The following ADTRP variants were observed in gnomAD, a reference collection of about 807,000 sequenced individuals.
ADTRP encodes androgen-dependent TFPI-regulating protein.
Under a neutral mutation model 27.0 loss-of-function variants are expected in ADTRP, and 20 were observed. The ratio of observed to expected loss-of-function variants is 0.74; its 90% CI spans 0.52 to 1.08. The LOEUF (loss-of-function observed/expected upper bound fraction) is 1.08, where lower values mean the gene tolerates loss of function less well. Among genes scored for constraint, ADTRP ranks in the 50% least tolerant of loss-of-function variants. The pLI is 0.00. For synonymous variants in ADTRP, 101 were observed against 105.2 expected, an observed-to-expected ratio of 0.96 and a Z score of 0.25; for missense variants, 251 against 275.0, an observed-to-expected ratio of 0.91 and a Z score of 0.62.
chr6:11,734,010 A>AAT (rs1465145074), intron 4 of ADTRP, among the ~76,000 whole-genome samples: 1 of 152,222 alleles, frequency 6.6e-6, no homozygotes, highest in Admixed American at 6.5e-5. Flanking sequence ...AGTAAAAGGT[A>AAT]ATAACATATA....
chr6:11,756,829 A>T (rs1728771003), intron 3 of ADTRP, among the ~76,000 whole-genome samples: 1 of 152,230 alleles, frequency 6.6e-6, no homozygotes, highest in Non-Finnish European at 1.5e-5. Context: ...GGAAAGTTGA[A>T]TAAACTACTC....
At chr6:11,771,540 C>A (rs1406849942) in intron 1 of ADTRP, among the ~76,000 whole-genome samples, 1 of 152,166 alleles carries the variant, frequency 6.6e-6, no homozygotes, top group Non-Finnish European at 1.5e-5. Flanking sequence ...CCCGAACGGT[C>A]TGCTTATTCT....
At chr6:11,755,147 C>T (rs1023209523) in intron 3 of ADTRP, 1 of 835,482 alleles carries the variant, frequency 1.2e-6, no homozygotes, top group Admixed American at 6.2e-5. Flanking sequence ...CCAGCAAGCC[C>T]TCAAGGTCAC....
chr6:11,723,197 G>C, intron 5 of ADTRP, 152 bp downstream of exon 5: 1 of 1,089,014 alleles, frequency 9.2e-7, no homozygotes, highest in Non-Finnish European at 1.3e-6. Context: ...GCCTTGGCAG[G>C]ACCTCTTGGC....
intron 4 of ADTRP, among the ~76,000 whole-genome samples, chr6:11,734,842 G>T (rs1762498382): frequency 6.6e-6 from 1 of 152,192 alleles, no homozygotes. Context: ...AAGGAACACT[G>T]ATTAGCTTCC....
At chr6:11,742,588 TC>T (rs1230325844) in intron 3 of ADTRP, among the ~76,000 whole-genome samples, 1 of 152,182 alleles carries the variant, frequency 6.6e-6, no homozygotes, top group African/African-American at 2.4e-5. Context: ...ATTAAAGTTT[TC>T]CCCCTAGGCA....
chr6:11,723,126 G>A (rs1762069991), intron 5 of ADTRP, among the ~76,000 whole-genome samples: 1 of 152,164 alleles, frequency 6.6e-6, no homozygotes, highest in Admixed American at 6.5e-5. Flanking sequence ...TTTGGGGGAG[G>A]AGGGGAGATC....
intron 5 of ADTRP, among the ~76,000 whole-genome samples, chr6:11,716,719 C>CTTTTTCTTTTT (rs200468981): frequency 3.7e-4 from 47 of 125,410 alleles, no homozygotes; most frequent in Non-Finnish European, 6.7e-4. Flanking sequence ...TTTTCTTTTT[C>CTTTTTCTTTTT]TTTTTTTTTT....
intron 4 of ADTRP, among the ~76,000 whole-genome samples, chr6:11,731,582 A>T (rs1037696609): frequency 4.6e-5 from 7 of 152,058 alleles, no homozygotes; most frequent in Non-Finnish European, 8.8e-5. Context: ...CCTTGCTCTC[A>T]CGCTTTCTGC....
chr6:11,717,189 A>C, intron 5 of ADTRP: 1 of 1,022,338 alleles, frequency 9.8e-7, no homozygotes, highest in East Asian at 6.5e-5. Flanking sequence ...CATTTTTCCC[A>C]GTAGAAAGTA....
chr6:11,735,480 G>T, intron 4 of ADTRP, 88 bp downstream of exon 4: 2 of 867,066 alleles, frequency 2.3e-6, no homozygotes, highest in Non-Finnish European at 1.8e-6. Context: ...AAGATAAAGG[G>T]ATTCTGACAG....
At chr6:11,752,376 C>A (rs929300139) in intron 3 of ADTRP, among the ~76,000 whole-genome samples, 3 of 151,958 alleles carry the variant, frequency 2.0e-5, no homozygotes, top group Non-Finnish European at 4.4e-5. Flanking sequence ...CATTAAAGAT[C>A]ATTGGCATGA....
At chr6:11,754,798 A>G (rs1349100102) in intron 3 of ADTRP, among the ~76,000 whole-genome samples, 3 of 152,206 alleles carry the variant, frequency 2.0e-5, no homozygotes, top group Non-Finnish European at 4.4e-5. Flanking sequence ...CTCTGGGGTT[A>G]TTAAGCAACC....
At chr6:11,735,224 C>T (rs915900585) in intron 4 of ADTRP, among the ~76,000 whole-genome samples, 16 of 152,162 alleles carry the variant, frequency 1.1e-4, no homozygotes, top group Admixed American at 3.3e-4. Flanking sequence ...GCCTCAGATC[C>T]CTCAGCCATT....
At position 11,748,285 on chromosome 6, in the gene ADTRP, G is replaced by A. The variant is rs866806101; in HGVS notation, c.391-12602C>T. Among the ~76,000 whole-genome samples, 17 of 152,178 alleles carry A rather than the reference G, an allele frequency of 1.1e-4. 1 individual carries two copies. The highest frequency in any genetic ancestry group is 1.9e-4 in the Non-Finnish European group (13 of 68,028). On this transcript the variant is annotated intron_variant, in intron 3 of 5. Transcript: ENST00000414691. Reference sequence around the variant, plus strand: ...CAAATATACAGTGTCAGCTACAGACGCTGACACTTGGGTTGCTAAAGGCTT... The same window carrying A: ...CAAATATACAGTGTCAGCTACAGACACTGACACTTGGGTTGCTAAAGGCTT...
intron 3 of ADTRP, among the ~76,000 whole-genome samples, chr6:11,744,079 G>A (rs1036517174): frequency 4.6e-5 from 7 of 152,146 alleles, no homozygotes; most frequent in Non-Finnish European, 7.4e-5. Flanking sequence ...TGAACAGCTT[G>A]GTGTGTTTGA....
chr6:11,717,214 T>C (rs1381836352), intron 5 of ADTRP: 13 of 1,208,264 alleles, frequency 1.1e-5, no homozygotes, highest in African/African-American at 6.3e-5. Context: ...AGTTGGCAGA[T>C]AGGAAGTTAG....
At chr6:11,733,208 C>G (rs1379962343) in intron 4 of ADTRP, among the ~76,000 whole-genome samples, 2 of 152,268 alleles carry the variant, frequency 1.3e-5, no homozygotes, top group Non-Finnish European at 2.9e-5. Flanking sequence ...ATGCCACCAA[C>G]TGGTCTACCT....
chr6:11,718,431 C>T (rs959502436), intron 5 of ADTRP, among the ~76,000 whole-genome samples: 1 of 147,786 alleles, frequency 6.8e-6, no homozygotes, highest in Non-Finnish European at 1.5e-5. Flanking sequence ...TCCTTGTGTG[C>T]TATCAATCAT....
Sources: allele counts gnomAD v4.1 joint callset (sites outside exome capture counted in the v4.1 genomes callset), GRCh38; gene constraint gnomAD v4.1.1; transcripts MANE v1.5; gene names NCBI Gene and HGNC (gene_info 2026-07-23, HGNC 2026-07-21).